SHANK2: variants seen among roughly 807,000 people sequenced by gnomAD.
SHANK2 encodes the protein SH3 and multiple ankyrin repeat domains 2.
In SHANK2, 43 loss-of-function variants were observed where a neutral mutation model predicts 133.7. The ratio of observed to expected loss-of-function variants is 0.32; its 90% CI spans 0.25 to 0.41. The LOEUF (loss-of-function observed/expected upper bound fraction) is 0.41, where lower values mean the gene tolerates loss of function less well. Ranked by LOEUF, SHANK2 falls within the 10% of genes least tolerant of loss-of-function variation. The probability of loss-of-function intolerance (pLI) is 1.00; values close to 1 mark genes in which losing one functional copy is unlikely to be tolerated. For missense variants in SHANK2, 1,994 were observed against 2,235.8 expected (o/e 0.89, Z 2.18); for synonymous variants, 1,017 against 952.8 (o/e 1.07, Z -1.24).
In SHANK2 at chr11:71,188,737, C is replaced by T. The variant is rs1273768731; in HGVS notation, c.-13+35960G>A. 1.3e-5 allele frequency among the ~76,000 whole-genome samples: 2 copies of T among 152,188 alleles called. No homozygotes were observed. Among genetic ancestry groups the T allele is most frequent in the African/African-American group, 2.4e-5 (1 of 41,446 alleles). The stretch of plus-strand genomic sequence containing the variant: ...CACACCTCTCCTCATCTGCTGAGGG[C>T]CTGCCACGTCCCTGCACTGTGCTGG... On this transcript the variant is annotated intron_variant, in intron 2 of 25. Transcript: ENST00000601538. This position sits in a 1 kb window ranked among gnomAD's most constrained non-coding sequence, Gnocchi z 4.6.
intron 17 of SHANK2, among the ~76,000 whole-genome samples, chr11:70,539,483 AGCTCACTCGCCACGCTCACCAC>A (rs1385860742): frequency 1.5e-4 from 22 of 147,226 alleles, no homozygotes; most frequent in South Asian, 4.6e-4. Flanking sequence ...GCACACAGAA[AGCTCACTCGCCACGCTCACCAC>A]GCTCACTCGC....
In SHANK2 at chr11:70,535,488, A is replaced by ATCCG. The variant is rs373829061; in HGVS notation, c.2062-32558_2062-32557insCGGA. Among the ~76,000 whole-genome samples, 2,240 of 152,168 alleles carry ATCCG rather than the reference A, an allele frequency of 0.015. 47 individuals are homozygous for ATCCG. The highest frequency in any genetic ancestry group is 0.05 in the African/African-American group (2,070 of 41,496). Reference sequence around the variant, plus strand: ...CGTCCGTCCATCCATCCATCCATCCATCCATCCGTCCGTCCGTCCATCTAT... The same window carrying ATCCG: ...CGTCCGTCCATCCATCCATCCATCCATCCGTCCATCCGTCCGTCCGTCCATCTAT... On this transcript the variant is annotated intron_variant, in intron 17 of 25. Transcript: ENST00000601538. This position sits in a 1 kb window ranked among gnomAD's most constrained non-coding sequence, Gnocchi z 4.3.
At chr11:71,169,380 T>C (rs1360543768) in intron 2 of SHANK2, among the ~76,000 whole-genome samples, 1 of 152,218 alleles carries the variant, frequency 6.6e-6, no homozygotes, top group Non-Finnish European at 1.5e-5. Flanking sequence ...TTAGGCCTGT[T>C]TTCCTTTTTA....
chr11:70,572,146 A>T (rs2060053144), intron 17 of SHANK2, among the ~76,000 whole-genome samples: 1 of 152,186 alleles, frequency 6.6e-6, no homozygotes, highest in Admixed American at 6.5e-5. Context: ...CAGCCTCCAG[A>T]ACTGGGAGAA....
intron 17 of SHANK2, among the ~76,000 whole-genome samples, chr11:70,637,313 C>T (rs781961642): frequency 2.0e-5 from 3 of 152,170 alleles, no homozygotes; most frequent in Non-Finnish European, 4.4e-5. Context: ...CCCAAAAAGG[C>T]CCAGGCTGGT....
chr11:70,518,807 C>T (rs888839372), intron 17 of SHANK2, among the ~76,000 whole-genome samples: 18 of 152,216 alleles, frequency 1.2e-4, no homozygotes, highest in African/African-American at 4.1e-4. Context: ...GTGTTTTTAG[C>T]AGCCACTGGT....
chr11:70,946,911 T>TCC lies in SHANK2; in HGVS notation c.1108-50346_1108-50345dup, dbSNP rs146706093. On this transcript the variant is annotated intron_variant, in intron 10 of 25. Transcript: ENST00000601538. ...ACCTCCCTCTCCACTAACCAACTCT[T>TCC]CCCCAGGCTCACCCTCCCTCTCCAC... Among the ~76,000 whole-genome samples the TCC allele has an allele frequency of 2.8e-3, 382 of 137,602 alleles. 3 individuals carry two copies. Among genetic ancestry groups the TCC allele is most frequent in the African/African-American group, 0.01 (348 of 34,484 alleles). The allele number at this position is 137,602 out of a possible 152,430, so 90.3% of individuals were successfully genotyped here. A position where few individuals can be genotyped will look rare whatever the true frequency, so the allele number is the denominator to read the frequency against.
chr11:70,805,775 T>C (rs1282279897), intron 13 of SHANK2, among the ~76,000 whole-genome samples: 1 of 152,124 alleles, frequency 6.6e-6, no homozygotes, highest in East Asian at 1.9e-4. Context: ...GCAAACATGA[T>C]TTATGAAATT....
chr11:70,946,649 C>A (rs1555085519), intron 10 of SHANK2, among the ~76,000 whole-genome samples: 1 of 149,460 alleles, frequency 6.7e-6, no homozygotes, highest in Non-Finnish European at 1.5e-5. Context: ...TCTCTGCTAA[C>A]CAACTCTTCC....
At chr11:71,171,049 G>C in intron 2 of SHANK2, among the ~76,000 whole-genome samples, 1 of 152,222 alleles carries the variant, frequency 6.6e-6, no homozygotes, top group Admixed American at 6.5e-5. Flanking sequence ...CTGGCTCGTA[G>C]ACGGCCAACT....
chr11:70,935,821 G>A (rs963492288), intron 10 of SHANK2, among the ~76,000 whole-genome samples: 9 of 152,264 alleles, frequency 5.9e-5, no homozygotes, highest in East Asian at 1.9e-4. Context: ...AAAGCATAGC[G>A]ACTCTTTGCC....
At chr11:70,832,292 CTGCTTTGCCCTATCT>C (rs142354338) in intron 11 of SHANK2, among the ~76,000 whole-genome samples, 3,483 of 152,316 alleles carry the variant, frequency 0.023, 82 homozygotes, top group Non-Finnish European at 0.03. Flanking sequence ...GGCAATCCTC[CTGCTTTGCCCTATCT>C]CTATAATAAA....
chr11:71,238,943 A>G (rs1954856207), intron 1 of SHANK2, among the ~76,000 whole-genome samples: 1 of 152,244 alleles, frequency 6.6e-6, no homozygotes. Flanking sequence ...TGTTTCTCGT[A>G]AGGTGGGACG....
chr11:70,776,881 C>T (rs1203026627), intron 14 of SHANK2, among the ~76,000 whole-genome samples: 1 of 151,414 alleles, frequency 6.6e-6, no homozygotes, highest in Non-Finnish European at 1.5e-5. Flanking sequence ...ACCCACCCAT[C>T]CATCCACCCA....
chr11:70,784,482 G>A (rs782622355), intron 14 of SHANK2, among the ~76,000 whole-genome samples: 1 of 149,172 alleles, frequency 6.7e-6, no homozygotes, highest in East Asian at 2.0e-4. Flanking sequence ...TCAGCCTCTC[G>A]AGTAGCTAGG....
intron 13 of SHANK2, 101 bp from the exon 14 acceptor site, chr11:70,798,657 AC>A: frequency 1.5e-6 from 1 of 673,644 alleles, no homozygotes. Flanking sequence ...GAATCAGCGC[AC>A]CCCTGGCCAG....
chr11:70,756,906 AC>A (rs113946598), intron 14 of SHANK2, among the ~76,000 whole-genome samples: 30,445 of 152,020 alleles, frequency 0.2, 3,133 homozygotes, highest in East Asian at 0.28. Flanking sequence ...CATAGAGCAG[AC>A]CCTGGGCTCA....
chr11:70,613,763 G>GTTTTTTTTTTTTTTTTTTTTT (rs57180024), intron 17 of SHANK2, among the ~76,000 whole-genome samples: 1 of 123,776 alleles, frequency 8.1e-6, no homozygotes, highest in Non-Finnish European at 1.6e-5. Context: ...AGGGGAACTT[G>GTTTTTTTTTTTTTTTTTTTTT]TTTTTTTTTT....
chr11:70,805,489 C>G lies in SHANK2; in HGVS notation c.1663+1513G>C, dbSNP rs910457061. On this transcript the variant is annotated intron_variant, in intron 13 of 25. Coordinates refer to ENST00000601538, the MANE Select transcript of SHANK2 (RefSeq NM_012309.5). The stretch of plus-strand genomic sequence containing the variant: ...CCCTGCACAGATGGCCCCTCTTGCT[C>G]CCCCACTGCGGGGCCTTAACATCCT... Among the ~76,000 whole-genome samples the G allele has an allele frequency of 2.8e-4, 43 of 152,212 alleles. 1 individual carries two copies. The highest frequency in any genetic ancestry group is 2.6e-3 in the Admixed American group (40 of 15,280).
Sources: allele counts gnomAD v4.1 joint callset (sites outside exome capture counted in the v4.1 genomes callset), GRCh38; gene constraint gnomAD v4.1.1; non-coding constraint Gnocchi (gnomAD v3.1); transcripts MANE v1.5; gene names NCBI Gene and HGNC (gene_info 2026-07-23, HGNC 2026-07-21).